ITGA8: variants seen among roughly 807,000 people sequenced by gnomAD.
The protein encoded by ITGA8 is integrin subunit alpha 8.
A neutral mutation model predicts 142.3 loss-of-function variants in ITGA8; 91 were observed. The ratio of observed to expected loss-of-function variants is 0.64; its 90% confidence interval spans 0.54 to 0.76. The LOEUF is 0.76. Among genes scored for constraint, ITGA8 ranks in the 30% least tolerant of loss-of-function variants. The pLI is 0.00. For synonymous variants in ITGA8, 505 were observed against 485.2 expected, an observed-to-expected ratio of 1.04 and a Z score of -0.54; for missense variants, 1,406 against 1,327.7, an observed-to-expected ratio of 1.06 and a Z score of -0.92.
At position 15,515,676 on chromosome 10, in the gene ITGA8, AT is replaced by A. The variant is rs1384863156; in HGVS notation, c.*1481del. The stretch of plus-strand genomic sequence containing the variant: ...GGTCTATAAAATATTGCACATAAAA[AT>A]TTGTTCAGTATTTCTTCATAGTAAT... On this transcript the variant is annotated 3_prime_UTR_variant, in exon 30 of 30. Coordinates refer to ENST00000378076, the MANE Select transcript of ITGA8 (RefSeq NM_003638.3). 1.3e-5 allele frequency: 2 copies of A among 152,162 alleles called. No individual in the cohort carries two copies. Among genetic ancestry groups the A allele is most frequent in the African/African-American group, 4.8e-5 (2 of 41,430 alleles). 9.4% of individuals were successfully genotyped at this position (152,162 alleles called of 1,614,324 possible). A position where few individuals can be genotyped will look rare whatever the true frequency, so the allele number is the denominator to read the frequency against.
intron 5 of ITGA8, 54 bp downstream of exon 5, chr10:15,678,668 G>T (rs949270758): frequency 8.1e-7 from 1 of 1,230,162 alleles, no homozygotes; most frequent in Non-Finnish European, 1.2e-6. Flanking sequence ...GAGAGGCAGA[G>T]GGTAAAAAAA....
intron 24 of ITGA8, among the ~76,000 whole-genome samples, chr10:15,574,443 T>C (rs949139488): frequency 2.0e-5 from 3 of 152,238 alleles, no homozygotes; most frequent in Admixed American, 2.0e-4. Context: ...CAGGCTGGAG[T>C]GCGGTGGCAC....
chr10:15,564,107 G>A (rs183632207), intron 25 of ITGA8, among the ~76,000 whole-genome samples: 1 of 152,276 alleles, frequency 6.6e-6, no homozygotes, highest in South Asian at 2.1e-4. Context: ...ACAGTGTCAC[G>A]TGGCAGGGGT....
At position 15,517,230 on chromosome 10, in the gene ITGA8, G is replaced by A; in HGVS notation, c.3120C>T (p.Asp1040=). 2 of 1,611,636 alleles carry A rather than the reference G, an allele frequency of 1.2e-6. No homozygotes were observed. Among genetic ancestry groups the A allele is most frequent in the Non-Finnish European group, 1.7e-6 (2 of 1,178,710 alleles). ...TLALWKCGFF[D]RARPPQEDMT... ...TGTCCTCCTGAGGAGGTCTGGCTCTGTCAAAGAATCCACACTATAAAGGGA... is the reference window on the plus strand; with the variant it reads ...TGTCCTCCTGAGGAGGTCTGGCTCTATCAAAGAATCCACACTATAAAGGGA... Residue 1040 remains aspartate (D), a synonymous_variant, in exon 30 of 30, where the codon GAC becomes GAT. Transcript: ENST00000378076.
chr10:15,612,223 A>G (rs1833311144), intron 15 of ITGA8, among the ~76,000 whole-genome samples: 1 of 152,164 alleles, frequency 6.6e-6, no homozygotes, highest in Non-Finnish European at 1.5e-5. Context: ...TCCCAGCAAT[A>G]GGATGTTTTT....
intron 27 of ITGA8, among the ~76,000 whole-genome samples, chr10:15,541,308 C>T (rs964295031): frequency 2.2e-4 from 34 of 152,350 alleles, no homozygotes; most frequent in East Asian, 3.9e-4. Context: ...CAAGAATGCT[C>T]ATGGGCTAAG....
intron 20 of ITGA8, among the ~76,000 whole-genome samples, chr10:15,603,667 T>C (rs1160821709): frequency 2.6e-5 from 4 of 152,170 alleles, no homozygotes; most frequent in African/African-American, 9.6e-5. Context: ...CATTGAGGAA[T>C]GGCAAATGAG....
At chr10:15,676,420 AC>A (rs1834631426) in intron 6 of ITGA8, among the ~76,000 whole-genome samples, 1 of 152,128 alleles carries the variant, frequency 6.6e-6, no homozygotes. Context: ...AGAGGACAAA[AC>A]ACACCTGTCC....
chr10:15,648,750 T>A (rs975721508), intron 11 of ITGA8, among the ~76,000 whole-genome samples: 1 of 152,080 alleles, frequency 6.6e-6, no homozygotes, highest in African/African-American at 2.4e-5. Context: ...TCTCTCCAAT[T>A]TCTGGCCTGC....
rs769237503 is a variant in ITGA8 at position 15,719,653 on chromosome 10, T to TTGAA, written c.115_118dup (p.Asn40IlefsTer74). ...CACTGTGAGCTTTTCCACGTCCAGG[T>TTGAA]TGAACGCCTGACAGGCGGGGGACCA... On this transcript the variant is annotated frameshift_variant, in exon 1 of 30. Transcript: ENST00000378076. LOFTEE classifies it high-confidence loss of function. 3.9e-6 allele frequency: 6 copies of TTGAA among 1,523,756 alleles called. No individual in the cohort carries two copies. Among genetic ancestry groups the TTGAA allele is most frequent in the Non-Finnish European group, 4.4e-6 (5 of 1,145,706 alleles). The allele number at this position is 1,523,756 out of a possible 1,614,324, so 94.4% of individuals were successfully genotyped here. A position where few individuals can be genotyped will look rare whatever the true frequency, so the allele number is the denominator to read the frequency against.
At chr10:15,547,457 A>C (rs545426797) in intron 27 of ITGA8, among the ~76,000 whole-genome samples, 2 of 152,204 alleles carry the variant, frequency 1.3e-5, no homozygotes, top group African/African-American at 2.4e-5. Context: ...CTGTAGTCCC[A>C]GCTACTTGGG....
chr10:15,525,820 CTAT>C (rs1325950585), intron 28 of ITGA8, among the ~76,000 whole-genome samples: 3 of 151,976 alleles, frequency 2.0e-5, no homozygotes, highest in South Asian at 4.2e-4. Flanking sequence ...AATGATTAAA[CTAT>C]TATCATTTTA....
At chr10:15,561,215 A>ATATATATATATATATATATATG (rs1447645027) in intron 25 of ITGA8, among the ~76,000 whole-genome samples, 17 of 102,488 alleles carry the variant, frequency 1.7e-4, no homozygotes, top group South Asian at 1.2e-3. Flanking sequence ...TTGGCTATAT[A>ATATATATATATATATATATATG]TATATATATA....
chr10:15,562,336 G>A (rs987694264), intron 25 of ITGA8, among the ~76,000 whole-genome samples: 1 of 152,218 alleles, frequency 6.6e-6, no homozygotes, highest in Non-Finnish European at 1.5e-5. Context: ...CGTGCGCCCC[G>A]ACATCAATCT....
In ITGA8 at chr10:15,644,310, C is replaced by G. The variant is rs78186818; in HGVS notation, c.1208-89G>C. 1,986 of 1,248,480 alleles carry G rather than the reference C, an allele frequency of 1.6e-3. 51 individuals are homozygous for G. The East Asian group carries it at 0.046, about 29-fold the overall frequency. The allele number at this position is 1,248,480 out of a possible 1,614,324, so 77.3% of individuals were successfully genotyped here. A position where few individuals can be genotyped will look rare whatever the true frequency, so the allele number is the denominator to read the frequency against. ...AGAGACAGGACCTTACTCTGTCACCCAAGCTGGAGTGCAGTGGTGGGATCA... is the reference window on the plus strand; with the variant it reads ...AGAGACAGGACCTTACTCTGTCACCGAAGCTGGAGTGCAGTGGTGGGATCA... On this transcript the variant is annotated intron_variant, in intron 12 of 29. Transcript: ENST00000378076.
chr10:15,516,952 G>A lies in ITGA8; in HGVS notation c.*206C>T. The A allele has an allele frequency of 2.2e-6, 1 of 451,880 alleles. No homozygotes were observed. 28.0% of individuals were successfully genotyped at this position (451,880 alleles called of 1,614,324 possible). A position where few individuals can be genotyped will look rare whatever the true frequency, so the allele number is the denominator to read the frequency against. On this transcript the variant is annotated 3_prime_UTR_variant, in exon 30 of 30. Coordinates refer to ENST00000378076, the MANE Select transcript of ITGA8 (RefSeq NM_003638.3). ...AATTGCTGATGGCTTCTCCAGCTTT[G>A]GTGTTTCCTTTTCCAACAGGGCTCA...
At chr10:15,671,791 A>C (rs532735928) in intron 7 of ITGA8, 144 bp from the exon 8 acceptor site, 90 of 611,344 alleles carry the variant, frequency 1.5e-4, no homozygotes, top group Non-Finnish European at 2.3e-4. Context: ...GATTCTATAA[A>C]GGGAAAAATT....
chr10:15,520,624 C>T (rs941775214), intron 28 of ITGA8, among the ~76,000 whole-genome samples: 1 of 152,204 alleles, frequency 6.6e-6, no homozygotes, highest in Non-Finnish European at 1.5e-5. Flanking sequence ...GCCGAGGCAG[C>T]AAAGAAGCTG....
chr10:15,691,654 G>C (rs530613810), intron 2 of ITGA8, among the ~76,000 whole-genome samples: 1 of 152,132 alleles, frequency 6.6e-6, no homozygotes, highest in African/African-American at 2.4e-5. Context: ...AAAAAAGTCA[G>C]GCTCATAGAA....
Sources: allele counts gnomAD v4.1 joint callset (sites outside exome capture counted in the v4.1 genomes callset), GRCh38; gene constraint gnomAD v4.1.1; transcripts MANE v1.5; gene names NCBI Gene and HGNC (gene_info 2026-07-23, HGNC 2026-07-21).